The following CCDC7 variants were observed in gnomAD, a reference collection of about 807,000 sequenced individuals.
CCDC7 encodes coiled-coil domain containing 7, also known as coiled-coil domain-containing protein 7.
Under a neutral mutation model 196.9 loss-of-function variants are expected in CCDC7, and 183 were observed. The observed-to-expected ratio is 0.93, with a 90% confidence interval of 0.82 to 1.05. CCDC7 has a LOEUF of 1.05. Among genes scored for constraint, CCDC7 ranks in the 50% least tolerant of loss-of-function variants. CCDC7 has a pLI of 0.00. For missense variants in CCDC7, 1,540 were observed against 1,482.2 expected, an observed-to-expected ratio of 1.04 and a Z score of -0.64; for synonymous variants, 525 against 484.6, an observed-to-expected ratio of 1.08 and a Z score of -1.10.
At chr10:32,464,863 C>G (rs1025290198) in intron 5 of CCDC7, among the ~76,000 whole-genome samples, 1 of 152,138 alleles carries the variant, frequency 6.6e-6, no homozygotes. Context: ...TTCAGTTTCT[C>G]TCATTCAATT....
chr10:32,443,957 T>C (rs190382671), upstream of CCDC7, among the ~76,000 whole-genome samples: 197 of 152,332 alleles, frequency 1.3e-3, no homozygotes, highest in African/African-American at 4.4e-3. Flanking sequence ...ATAATCTCCA[T>C]TAATTTGGAT....
intron 41 of CCDC7, among the ~76,000 whole-genome samples, chr10:32,870,590 C>T (rs1278541174): frequency 1.3e-5 from 2 of 152,092 alleles, no homozygotes; most frequent in East Asian, 1.9e-4. Flanking sequence ...CCCTTTATTT[C>T]CTTCTCCTGC....
intron 16 of CCDC7, among the ~76,000 whole-genome samples, chr10:32,578,930 C>G (rs2058483818): frequency 6.6e-6 from 1 of 152,128 alleles, no homozygotes; most frequent in Non-Finnish European, 1.5e-5. Flanking sequence ...TGTAATGTTT[C>G]TTCGGTGTTG....
intron 18 of CCDC7, among the ~76,000 whole-genome samples, chr10:32,584,752 C>CAAAAAAAAAAAAAAAAAAAAAAAAAAA: frequency 1.8e-5 from 1 of 56,318 alleles, no homozygotes; most frequent in Non-Finnish European, 2.9e-5. Context: ...CACTTCATCT[C>CAAAAAAAAAAAAAAAAAAAAAAAAAAA]AAAAAAAAAA....
chr10:32,588,662 G>T (rs868205505), intron 18 of CCDC7, among the ~76,000 whole-genome samples: 3 of 151,830 alleles, frequency 2.0e-5, no homozygotes, highest in Non-Finnish European at 4.4e-5. Flanking sequence ...TGGTAATGTT[G>T]GTCTTATTTT....
chr10:32,507,494 A>G (rs1174075206), intron 9 of CCDC7, among the ~76,000 whole-genome samples: 3 of 152,162 alleles, frequency 2.0e-5, no homozygotes, highest in African/African-American at 4.8e-5. Context: ...TCTGTTGCCC[A>G]GGCTGGAGTG....
At chr10:32,696,967 C>T (rs1040480541) in intron 24 of CCDC7, among the ~76,000 whole-genome samples, 1 of 152,142 alleles carries the variant, frequency 6.6e-6, no homozygotes, top group African/African-American at 2.4e-5. Flanking sequence ...ACATTTTTTG[C>T]ATGGACCAGG....
At chr10:32,486,824 C>G (rs1268324405) in intron 8 of CCDC7, among the ~76,000 whole-genome samples, 1 of 151,646 alleles carries the variant, frequency 6.6e-6, no homozygotes, top group Non-Finnish European at 1.5e-5. Flanking sequence ...TTGGCCCCCA[C>G]TCTCTTCTGG....
chr10:32,642,724 G>C (rs963797966), intron 20 of CCDC7, among the ~76,000 whole-genome samples: 8 of 152,198 alleles, frequency 5.3e-5, no homozygotes, highest in Non-Finnish European at 1.2e-4. Context: ...TGGAAATGCA[G>C]AAATCATCCG....
chr10:32,566,648 T>C (rs2136921328), intron 14 of CCDC7, among the ~76,000 whole-genome samples: 1 of 151,996 alleles, frequency 6.6e-6, no homozygotes, highest in East Asian at 1.9e-4. Context: ...TCATGGTTCA[T>C]GCCTGTAATC....
chr10:32,567,633 G>T, intron 14 of CCDC7, 37 bp from the exon 16 acceptor site: 1 of 1,565,418 alleles, frequency 6.4e-7, no homozygotes, highest in Non-Finnish European at 8.6e-7. Flanking sequence ...GAAAATATCA[G>T]AAAATGCTTA....
At chr10:32,613,465 T>A (rs540815900) in intron 18 of CCDC7, among the ~76,000 whole-genome samples, 1 of 152,302 alleles carries the variant, frequency 6.6e-6, no homozygotes, top group African/African-American at 2.4e-5. Flanking sequence ...CTTTTGAATT[T>A]GTTTGCTCTT....
At chr10:32,471,302 A>G (rs2037897459) in intron 6 of CCDC7, 72 bp downstream of exon 7, 2 of 1,520,946 alleles carry the variant, frequency 1.3e-6, no homozygotes, top group East Asian at 2.3e-5. Context: ...TGAATGTAAG[A>G]TAATGGGTCA....
At chr10:32,488,481 C>T (rs1057063548) in intron 8 of CCDC7, among the ~76,000 whole-genome samples, 2 of 152,208 alleles carry the variant, frequency 1.3e-5, no homozygotes, top group African/African-American at 2.4e-5. Flanking sequence ...CGTTGCGCTG[C>T]ACCCAGTGTC....
intron 18 of CCDC7, among the ~76,000 whole-genome samples, chr10:32,611,636 T>C (rs1445655190): frequency 6.6e-6 from 1 of 152,236 alleles, no homozygotes; most frequent in African/African-American, 2.4e-5. Flanking sequence ...GTTTTCTGCC[T>C]ATGGCTAGCC....
At chr10:32,714,473 G>T (rs1025740046) in intron 25 of CCDC7, among the ~76,000 whole-genome samples, 3 of 152,202 alleles carry the variant, frequency 2.0e-5, no homozygotes, top group Admixed American at 2.0e-4. Flanking sequence ...AAACTGGGCA[G>T]CTGTTTGGGC....
At chr10:32,749,169 G>A (rs113717123) in intron 28 of CCDC7, among the ~76,000 whole-genome samples, 37 of 152,138 alleles carry the variant, frequency 2.4e-4, no homozygotes, top group Admixed American at 6.6e-4. Context: ...GCCCTGTGAC[G>A]TCTTTTCTAT....
At chr10:32,474,122 C>T (rs2038494212) in intron 8 of CCDC7, 99 bp downstream of exon 9, 4 of 1,216,322 alleles carry the variant, frequency 3.3e-6, no homozygotes, top group Non-Finnish European at 4.4e-6. Context: ...AGACTCCTTG[C>T]CTTGGAGTTT....
At chr10:32,718,525 C>T (rs377073520) in intron 25 of CCDC7, among the ~76,000 whole-genome samples, 47 of 151,044 alleles carry the variant, frequency 3.1e-4, no homozygotes, top group African/African-American at 1.0e-3. Flanking sequence ...CTGGCCAGGG[C>T]AATTAGGGAA....
Sources: gnomAD v4.1 joint callset for allele counts (sites outside exome capture counted in the v4.1 genomes callset) on GRCh38, gnomAD v4.1.1 for gene constraint, MANE v1.5 for transcripts, NCBI Gene and HGNC (gene_info 2026-07-23, HGNC 2026-07-21) for gene names.